The following KL variants were observed in gnomAD, a reference collection of about 807,000 sequenced individuals.
KL encodes the protein klotho, also known as alpha-klotho.
In KL, 62 loss-of-function variants were observed where a neutral mutation model predicts 84.2. The ratio of observed to expected loss-of-function variants is 0.74; its 90% CI spans 0.60 to 0.91. The LOEUF is 0.91. Ranked by LOEUF, KL falls within the 40% of genes least tolerant of loss-of-function variation. KL has a pLI of 0.00. For missense variants in KL, 1,261 were observed against 1,305.7 expected (o/e 0.97, Z 0.53); for synonymous variants, 528 against 528.0 (o/e 1.00, Z 0.00).
chr13:33,022,744 A>G (rs1317018562), intron 1 of KL, among the ~76,000 whole-genome samples: 1 of 152,222 alleles, frequency 6.6e-6, no homozygotes, highest in Non-Finnish European at 1.5e-5. Context: ...AAGAGCACAG[A>G]CTACCTATCA....
At chr13:33,063,253 GAAA>G (rs1188340646) in intron 4 of KL, among the ~76,000 whole-genome samples, 1 of 138,408 alleles carries the variant, frequency 7.2e-6, no homozygotes, top group Non-Finnish European at 1.6e-5. Flanking sequence ...ATGGAAAAAG[GAAA>G]AAAAAAAAAC....
At chr13:33,061,830 G>A (rs761157918) in intron 4 of KL, 50 bp downstream of exon 4, 9 of 1,581,958 alleles carry the variant, frequency 5.7e-6, no homozygotes, top group South Asian at 5.5e-5. Context: ...TCACCAGAGG[G>A]CATGACACTT....
intron 1 of KL, among the ~76,000 whole-genome samples, chr13:33,041,738 C>T (rs1871347081): frequency 6.6e-6 from 1 of 152,138 alleles, no homozygotes; most frequent in Non-Finnish European, 1.5e-5. Context: ...TTCCCGTACC[C>T]TCTACCGCCT....
intron 3 of KL, among the ~76,000 whole-genome samples, chr13:33,058,380 G>A (rs1431569288): frequency 7.7e-5 from 11 of 143,044 alleles, no homozygotes; most frequent in Non-Finnish European, 1.5e-4. Flanking sequence ...TTGCTCTGTC[G>A]CCCAGGCTGG....
At chr13:33,047,031 A>C (rs909096819) in intron 1 of KL, among the ~76,000 whole-genome samples, 1 of 152,164 alleles carries the variant, frequency 6.6e-6, no homozygotes, top group African/African-American at 2.4e-5. Context: ...TCAACAGTTT[A>C]AAATTTATTA....
At chr13:33,024,851 T>G (rs1870710953) in intron 1 of KL, among the ~76,000 whole-genome samples, 2 of 152,198 alleles carry the variant, frequency 1.3e-5, no homozygotes, top group Admixed American at 6.5e-5. Context: ...CACTCCCGAC[T>G]CAACTACATT....
chr13:33,027,097 G>C (rs1332980679), intron 1 of KL, among the ~76,000 whole-genome samples: 1 of 152,084 alleles, frequency 6.6e-6, no homozygotes, highest in Non-Finnish European at 1.5e-5. Flanking sequence ...ATTATTTCTT[G>C]TCCTGTGTTA....
intron 1 of KL, among the ~76,000 whole-genome samples, chr13:33,025,915 A>G (rs946949395): frequency 4.6e-5 from 7 of 152,154 alleles, no homozygotes; most frequent in Non-Finnish European, 8.8e-5. Context: ...TTTCATCTCC[A>G]ATGTGCAAAG....
At chr13:33,055,407 T>C in intron 3 of KL, 92 bp downstream of exon 3, 1 of 1,550,834 alleles carries the variant, frequency 6.4e-7, no homozygotes, top group Non-Finnish European at 8.9e-7. Context: ...CATGGCACAT[T>C]GTCCGTTCTT....
At chr13:33,019,683 T>C (rs996937839) in intron 1 of KL, among the ~76,000 whole-genome samples, 3 of 150,394 alleles carry the variant, frequency 2.0e-5, no homozygotes, top group Admixed American at 2.0e-4. Context: ...GGGTTCCTCA[T>C]ACTGGAGTGA....
chr13:33,061,005 C>A lies in KL; in HGVS notation c.1926C>A (p.Ala642=), dbSNP rs1478129714. 1.9e-6 allele frequency: 3 copies of A among 1,612,892 alleles called. No homozygotes were observed. The highest frequency in any genetic ancestry group is 4.5e-5 in the East Asian group (2 of 44,848). ...TPVVALWQPM[A]PNQGLPRLLA... ...TGGTGGCCCTGTGGCAGCCTATGGCCCCGAACCAAGGACTGCCGCGCCTCC... is the reference window on the plus strand; with the variant it reads ...TGGTGGCCCTGTGGCAGCCTATGGCACCGAACCAAGGACTGCCGCGCCTCC... The change falls in exon 4 of 5, where the codon GCC becomes GCA. Residue 642 remains alanine, a synonymous_variant. Transcript: ENST00000380099.
In KL at chr13:33,061,023, G is replaced by A. The variant is rs533689244; in HGVS notation, c.1944G>A (p.Pro648=). The A allele has an allele frequency of 2.3e-5, 37 of 1,612,334 alleles. No individual in the cohort carries two copies. Among genetic ancestry groups the A allele is most frequent in the East Asian group, 2.0e-4 (9 of 44,820 alleles). Residue 648 remains proline, a synonymous_variant, in exon 4 of 5, where the codon CCG becomes CCA. Coordinates refer to ENST00000380099, the MANE Select transcript of KL (RefSeq NM_004795.4). ...WQPMAPNQGL[P]RLLARQGAWE... ...CTATGGCCCCGAACCAAGGACTGCC[G>A]CGCCTCCTGGCCAGGCAGGGCGCCT...
chr13:33,041,848 C>A (rs945896268), intron 1 of KL, among the ~76,000 whole-genome samples: 1 of 152,198 alleles, frequency 6.6e-6, no homozygotes, highest in Non-Finnish European at 1.5e-5. Flanking sequence ...GATCCTCAGA[C>A]AATGCTTCCT....
At chr13:33,032,573 A>G (rs1343575622) in intron 1 of KL, among the ~76,000 whole-genome samples, 3 of 152,098 alleles carry the variant, frequency 2.0e-5, no homozygotes, top group African/African-American at 7.2e-5. Flanking sequence ...AGGAAGTGGT[A>G]TGGACTTCTT....
Position 33,050,990 on chromosome 13 carries a change from T to C in KL, c.820-2777T>C, listed in dbSNP as rs1871722204. Among the ~76,000 whole-genome samples, 5 of 152,294 alleles carry C rather than the reference T, an allele frequency of 3.3e-5. 1 individual carries two copies. The South Asian group carries it at 1.0e-3, about 32-fold the overall frequency. Reference sequence around the variant, plus strand: ...TCTCTTCTACTCCAAACCCCAAGTTTTATCAGTATGTCACATCGCTACTGT... The same window carrying C: ...TCTCTTCTACTCCAAACCCCAAGTTCTATCAGTATGTCACATCGCTACTGT... On this transcript the variant is annotated intron_variant, in intron 1 of 4. Coordinates refer to ENST00000380099, the MANE Select transcript of KL (RefSeq NM_004795.4).
At chr13:33,032,518 A>C (rs577244727) in intron 1 of KL, among the ~76,000 whole-genome samples, 11 of 152,294 alleles carry the variant, frequency 7.2e-5, no homozygotes, top group Admixed American at 6.5e-4. Context: ...GCCTCTGTAC[A>C]TGGAAACTAG....
Position 33,016,605 on chromosome 13 carries a change from C to G in KL, c.165C>G (p.Gly55=). Reference sequence around the variant, plus strand: ...GGCCTCCTGCCCCCGAGGCCGCGGGCCTCTTCCAGGGCACCTTCCCCGACG... The same window carrying G: ...GGCCTCCTGCCCCCGAGGCCGCGGGGCTCTTCCAGGGCACCTTCCCCGACG... The part of the protein sequence containing the change: ...FSRPPAPEAA[G]LFQGTFPDGF... Residue 55 remains glycine (G), a synonymous_variant, in exon 1 of 5, where the codon GGC becomes GGG. Transcript: ENST00000380099. The G allele has an allele frequency of 6.6e-7, 1 of 1,520,864 alleles. No individual in the cohort carries two copies. Among genetic ancestry groups the G allele is most frequent in the Non-Finnish European group, 8.8e-7 (1 of 1,133,484 alleles). 94.2% of individuals were successfully genotyped at this position (1,520,864 alleles called of 1,614,324 possible). A position where few individuals can be genotyped will look rare whatever the true frequency, so the allele number is the denominator to read the frequency against.
At chr13:33,041,830 C>G (rs1871350189) in intron 1 of KL, among the ~76,000 whole-genome samples, 1 of 152,168 alleles carries the variant, frequency 6.6e-6, no homozygotes, top group Non-Finnish European at 1.5e-5. Context: ...TTCACTTTTT[C>G]TGTTACAGAT....
chr13:33,060,692 T>G lies in KL; in HGVS notation c.1613T>G (p.Leu538Arg). The change falls in exon 4 of 5, where the codon CTG becomes CGG. Residue 538 changes from leucine (L) to arginine (R), a missense_variant. By Grantham distance (102) the Leu-to-Arg change is moderately radical. Coordinates refer to ENST00000380099, the MANE Select transcript of KL (RefSeq NM_004795.4). Reference sequence around the variant, plus strand: ...TGCCCTTCACAGGTAGATACCACTCTGTCTCAGTTTACCGACCTGAATGTT... The same window carrying G: ...TGCCCTTCACAGGTAGATACCACTCGGTCTCAGTTTACCGACCTGAATGTT... ...VDNYIQVDTT[L>R]SQFTDLNVYL... 6.2e-7 allele frequency: 1 copy of G among 1,614,244 alleles called. No homozygotes were observed. Among genetic ancestry groups the G allele is most frequent in the Non-Finnish European group, 8.5e-7 (1 of 1,180,036 alleles).
Sources: allele counts gnomAD v4.1 joint callset (sites outside exome capture counted in the v4.1 genomes callset), GRCh38; gene constraint gnomAD v4.1.1; transcripts MANE v1.5; gene names NCBI Gene and HGNC (gene_info 2026-07-23, HGNC 2026-07-21).